The following KCNT2 variants were observed in gnomAD, a reference collection of about 807,000 sequenced individuals.
The protein encoded by KCNT2 is potassium sodium-activated channel subfamily T member 2.
In KCNT2, 67 loss-of-function variants were observed where a neutral mutation model predicts 153.8. The observed-to-expected ratio is 0.44, with a 90% CI of 0.36 to 0.53. The LOEUF (loss-of-function observed/expected upper bound fraction) is 0.53. Ranked by LOEUF, KCNT2 falls within the 20% of genes least tolerant of loss-of-function variation. The pLI, the probability that KCNT2 is intolerant of heterozygous loss-of-function variation, is 0.00. For synonymous variants in KCNT2, 500 were observed against 458.8 expected (o/e 1.09, Z -1.15); for missense variants, 975 against 1,354.8 (o/e 0.72, Z 4.40).
At chr1:196,592,568 TTA>T (rs1663507339) in intron 1 of KCNT2, among the ~76,000 whole-genome samples, 1 of 147,326 alleles carries the variant, frequency 6.8e-6, no homozygotes, top group East Asian at 2.0e-4. Context: ...ATTTATATAG[TTA>T]TAGTTTTATA....
At chr1:196,314,566 G>A (rs1336264706) in intron 21 of KCNT2, among the ~76,000 whole-genome samples, 1 of 151,626 alleles carries the variant, frequency 6.6e-6, no homozygotes, top group Non-Finnish European at 1.5e-5. Context: ...AGGTTCTTAT[G>A]CAAATTCAGT....
chr1:196,358,186 C>A (rs2148255853), intron 14 of KCNT2, among the ~76,000 whole-genome samples: 1 of 151,662 alleles, frequency 6.6e-6, no homozygotes, highest in East Asian at 1.9e-4. Context: ...TCCAACTCTG[C>A]ATTTTTATCT....
chr1:196,427,878 A>G (rs926545461), intron 10 of KCNT2, among the ~76,000 whole-genome samples: 4 of 152,094 alleles, frequency 2.6e-5, no homozygotes, highest in Non-Finnish European at 5.9e-5. Flanking sequence ...ACATTATTCC[A>G]TCTGTCTTTC....
chr1:196,576,947 T>A (rs143178863), intron 1 of KCNT2, among the ~76,000 whole-genome samples: 91 of 152,296 alleles, frequency 6.0e-4, no homozygotes, highest in Non-Finnish European at 5.1e-4. Flanking sequence ...GGAAAAGTGA[T>A]CGATTTTTCC....
chr1:196,252,327 A>T (rs1204166259), intron 26 of KCNT2, among the ~76,000 whole-genome samples: 2 of 151,844 alleles, frequency 1.3e-5, no homozygotes, highest in African/African-American at 4.8e-5. Flanking sequence ...CATCTACTAA[A>T]TTCTTACATT....
At chr1:196,382,071 A>G (rs1421268444) in intron 13 of KCNT2, among the ~76,000 whole-genome samples, 1 of 151,792 alleles carries the variant, frequency 6.6e-6, no homozygotes, top group Non-Finnish European at 1.5e-5. Flanking sequence ...TAAGGAAATA[A>G]TGTTTAACCA....
In KCNT2 at chr1:196,349,851, T is replaced by TC. The variant is rs1205414211; in HGVS notation, c.1404-7624dup. Among the ~76,000 whole-genome samples the TC allele has an allele frequency of 2.7e-3, 404 of 151,898 alleles. 4 individuals carry two copies. The highest frequency in any genetic ancestry group is 8.0e-3 in the East Asian group (41 of 5,138). On this transcript the variant is annotated intron_variant, in intron 14 of 27. Coordinates refer to ENST00000294725, the MANE Select transcript of KCNT2 (RefSeq NM_198503.5). ...TAGGTATATCTCCTAATGCTATCCC[T>TC]CCCCCCTTCCCCCAGCCCACAACAG...
At chr1:196,272,173 T>A (rs905980334) in intron 25 of KCNT2, among the ~76,000 whole-genome samples, 4 of 151,886 alleles carry the variant, frequency 2.6e-5, no homozygotes, top group African/African-American at 9.7e-5. Flanking sequence ...TCAGGCAAAA[T>A]AATTGGATAA....
intron 1 of KCNT2, among the ~76,000 whole-genome samples, chr1:196,494,114 A>T (rs879541658): frequency 6.6e-6 from 1 of 152,202 alleles, no homozygotes; most frequent in Non-Finnish European, 1.5e-5. Flanking sequence ...ACAGAAACAA[A>T]ACTTCATCGG....
intron 8 of KCNT2, among the ~76,000 whole-genome samples, chr1:196,456,823 A>T (rs1676712717): frequency 6.6e-6 from 1 of 151,996 alleles, no homozygotes; most frequent in African/African-American, 2.4e-5. Flanking sequence ...TGACACAGGC[A>T]TATCAGAAAT....
At chr1:196,242,172 G>C (rs1042920390) in intron 26 of KCNT2, among the ~76,000 whole-genome samples, 4 of 152,194 alleles carry the variant, frequency 2.6e-5, no homozygotes, top group African/African-American at 9.6e-5. Context: ...ATTAAAGAAT[G>C]TGGGACAAAA....
chr1:196,561,617 G>GCA lies in KCNT2; in HGVS notation c.95+46596_95+46597dup, dbSNP rs576883697. ...TGCAGTGAGCTGAGATCACACCACT[G>GCA]CACTCCAGCCTGGACACAGAGCGAG... On this transcript the variant is annotated intron_variant, in intron 1 of 27. Transcript: ENST00000294725. Among the ~76,000 whole-genome samples the GCA allele has an allele frequency of 5.2e-4, 63 of 121,886 alleles. 1 individual carries two copies. The highest frequency in any genetic ancestry group is 1.8e-3 in the African/African-American group (60 of 32,592). 80.0% of individuals were successfully genotyped at this position (121,886 alleles called of 152,430 possible).
chr1:196,343,730 G>A (rs1468262969), intron 14 of KCNT2, among the ~76,000 whole-genome samples: 1 of 152,056 alleles, frequency 6.6e-6, no homozygotes, highest in Non-Finnish European at 1.5e-5. Context: ...TCTAATCTGA[G>A]TCCCAACTCT....
intron 1 of KCNT2, among the ~76,000 whole-genome samples, chr1:196,566,428 T>C (rs1660123457): frequency 6.6e-6 from 1 of 152,066 alleles, no homozygotes; most frequent in Admixed American, 6.6e-5. Flanking sequence ...CAATAAAAAT[T>C]GTTTCAATAA....
At chr1:196,322,727 TC>T (rs776681100) in intron 19 of KCNT2, among the ~76,000 whole-genome samples, 1 of 151,930 alleles carries the variant, frequency 6.6e-6, no homozygotes, top group Non-Finnish European at 1.5e-5. Flanking sequence ...AAAATTAATT[TC>T]TTTATTTCAA....
intron 22 of KCNT2, among the ~76,000 whole-genome samples, chr1:196,297,563 T>C (rs893344239): frequency 6.6e-6 from 1 of 152,324 alleles, no homozygotes; most frequent in Middle Eastern, 3.4e-3. Context: ...GTTATCCATA[T>C]AAATTGTATT....
chr1:196,326,678 A>T, intron 19 of KCNT2, 39 bp downstream of exon 19: 1 of 1,249,418 alleles, frequency 8.0e-7, no homozygotes. Flanking sequence ...TACTATTAAA[A>T]ACAGTTTATC....
chr1:196,272,128 T>C (rs1466580094), intron 25 of KCNT2, among the ~76,000 whole-genome samples: 2 of 151,948 alleles, frequency 1.3e-5, no homozygotes, highest in Non-Finnish European at 2.9e-5. Flanking sequence ...AGATTTAAAC[T>C]CAGATCATTG....
At chr1:196,279,870 C>G (rs1341045155) in intron 25 of KCNT2, among the ~76,000 whole-genome samples, 1 of 151,966 alleles carries the variant, frequency 6.6e-6, no homozygotes, top group Non-Finnish European at 1.5e-5. Context: ...ACCCCGTTAT[C>G]TTTATGCTTT....
Sources: gnomAD v4.1 joint callset for allele counts (sites outside exome capture counted in the v4.1 genomes callset) on GRCh38, gnomAD v4.1.1 for gene constraint, MANE v1.5 for transcripts, NCBI Gene and HGNC (gene_info 2026-07-23, HGNC 2026-07-21) for gene names.